Variants in LHPP observed in about 807,000 individuals in gnomAD.
The protein encoded by LHPP is phospholysine phosphohistidine inorganic pyrophosphate phosphatase.
A neutral mutation model predicts 30.3 loss-of-function variants in LHPP; 24 were observed. The observed-to-expected ratio is 0.79, with a 90% CI of 0.57 to 1.11. LHPP has a LOEUF of 1.11. Among genes scored for constraint, LHPP ranks in the 50% most tolerant of loss-of-function variants. The pLI, the probability that LHPP is intolerant of heterozygous loss-of-function variation, is 0.00. For missense variants in LHPP, 356 were observed against 367.2 expected (o/e 0.97, Z 0.25); for synonymous variants, 150 against 157.1 (o/e 0.95, Z 0.34).
chr10:124,601,187 G>A (rs1243780682), intron 6 of LHPP, among the ~76,000 whole-genome samples: 1 of 152,204 alleles, frequency 6.6e-6, no homozygotes, highest in Non-Finnish European at 1.5e-5. Flanking sequence ...TGTGCCTGGC[G>A]TGGGAACAGG....
chr10:124,467,414 C>A (rs1182538954), intron 1 of LHPP, among the ~76,000 whole-genome samples: 2 of 144,194 alleles, frequency 1.4e-5, no homozygotes, highest in Non-Finnish European at 3.0e-5. Context: ...GGTCATGGGG[C>A]GGGAACCATG....
At position 124,475,547 on chromosome 10, in the gene LHPP, A is replaced by G. The variant is rs188768389; in HGVS notation, c.126-8592A>G. Among the ~76,000 whole-genome samples, 84 of 144,104 alleles carry G rather than the reference A, an allele frequency of 5.8e-4. 2 individuals are homozygous for G. Among genetic ancestry groups the G allele is most frequent in the Admixed American group, 4.7e-3 (70 of 14,834 alleles). The allele number at this position is 144,104 out of a possible 152,430, so 94.5% of individuals were successfully genotyped here. A position where few individuals can be genotyped will look rare whatever the true frequency, so the allele number is the denominator to read the frequency against. On this transcript the variant is annotated intron_variant, in intron 1 of 6. Coordinates refer to ENST00000368842, the MANE Select transcript of LHPP (RefSeq NM_022126.4). ...CTGAGTGAGACTCCGTCTCAAAAAT[A>G]AAATAAAATAAAAAATAAATAATAT...
In LHPP at chr10:124,498,124, A is replaced by C. The variant is rs1377817395; in HGVS notation, c.620A>C (p.His207Pro). 6.2e-7 allele frequency: 1 copy of C among 1,612,546 alleles called. No homozygotes were observed. Among genetic ancestry groups the C allele is most frequent in the South Asian group, 1.1e-5 (1 of 91,048 alleles). ...CTGCAAGCGATAGGAGTGGAAGCCCACCAGGTAGGTTGGCGCCTTGTGAAG... is the reference window on the plus strand; with the variant it reads ...CTGCAAGCGATAGGAGTGGAAGCCCCCCAGGTAGGTTGGCGCCTTGTGAAG... ...SALQAIGVEA[H>P]QAVMIGDDIV... is the part of the protein sequence containing the mutation. Residue 207 changes from histidine to proline, a missense_variant, in exon 5 of 7, where the codon CAC becomes CCC. Transcript: ENST00000368842.
At chr10:124,504,520 G>T (rs575387190) in intron 5 of LHPP, among the ~76,000 whole-genome samples, 4 of 150,126 alleles carry the variant, frequency 2.7e-5, no homozygotes, top group African/African-American at 7.3e-5. Context: ...AGATTGCTTG[G>T]GCCCAGGAGG....
chr10:124,492,231 CA>C (rs1248756708), intron 3 of LHPP, among the ~76,000 whole-genome samples: 4 of 151,724 alleles, frequency 2.6e-5, no homozygotes, highest in African/African-American at 7.3e-5. Flanking sequence ...GTGTCTCTAT[CA>C]AAAATGGACA....
At chr10:124,548,071 A>G (rs2133954702) in intron 6 of LHPP, among the ~76,000 whole-genome samples, 1 of 152,238 alleles carries the variant, frequency 6.6e-6, no homozygotes, top group South Asian at 2.1e-4. Flanking sequence ...TCTCTAGGGG[A>G]GTTCCTGGGA....
intron 1 of LHPP, among the ~76,000 whole-genome samples, chr10:124,462,692 T>C (rs1693970037): frequency 6.6e-6 from 1 of 152,194 alleles, no homozygotes; most frequent in Non-Finnish European, 1.5e-5. Context: ...GATATACTTT[T>C]TGTTTGTTTT....
At chr10:124,584,366 A>G (rs1339705942) in intron 6 of LHPP, among the ~76,000 whole-genome samples, 3 of 145,874 alleles carry the variant, frequency 2.1e-5, no homozygotes, top group Non-Finnish European at 4.5e-5. Flanking sequence ...TCTGTCTCAA[A>G]AAAAAAAAAA....
intron 6 of LHPP, among the ~76,000 whole-genome samples, chr10:124,529,882 C>G (rs994066547): frequency 1.3e-5 from 2 of 152,160 alleles, no homozygotes; most frequent in African/African-American, 4.8e-5. Flanking sequence ...GGGCAGGATC[C>G]CAGCTGCCCC....
intron 1 of LHPP, among the ~76,000 whole-genome samples, chr10:124,474,452 G>T (rs531506732): frequency 2.3e-4 from 35 of 152,228 alleles, no homozygotes; most frequent in African/African-American, 7.0e-4. Context: ...ATGAAGTCTT[G>T]TAGTTGTTGA....
chr10:124,509,856 A>G (rs1954256155), intron 5 of LHPP, among the ~76,000 whole-genome samples: 1 of 152,042 alleles, frequency 6.6e-6, no homozygotes, highest in Non-Finnish European at 1.5e-5. Flanking sequence ...CCCCTGGATA[A>G]GGAAAATATT....
At chr10:124,499,208 A>G (rs923689954) in intron 5 of LHPP, among the ~76,000 whole-genome samples, 3 of 151,700 alleles carry the variant, frequency 2.0e-5, no homozygotes, top group Non-Finnish European at 4.4e-5. Flanking sequence ...TTCCATAGAG[A>G]TGGGGTTTTG....
At chr10:124,582,731 G>A (rs1416877845) in intron 6 of LHPP, among the ~76,000 whole-genome samples, 1 of 152,138 alleles carries the variant, frequency 6.6e-6, no homozygotes, top group Non-Finnish European at 1.5e-5. Flanking sequence ...GGGGCTGGGT[G>A]TGGTGGCTCA....
chr10:124,611,186 C>T (rs988349090), intron 6 of LHPP, among the ~76,000 whole-genome samples: 3 of 150,846 alleles, frequency 2.0e-5, no homozygotes, highest in African/African-American at 7.3e-5. Context: ...TGTAGGTGCC[C>T]CTGCTTGGAG....
intron 6 of LHPP, among the ~76,000 whole-genome samples, chr10:124,532,931 TGAG>T (rs1954934368): frequency 6.6e-6 from 1 of 152,170 alleles, no homozygotes; most frequent in Admixed American, 6.5e-5. Flanking sequence ...ACTTTGGAAA[TGAG>T]AAGAAGCCCA....
chr10:124,523,510 T>C lies in LHPP; in HGVS notation c.716+6239T>C, dbSNP rs986409522. On this transcript the variant is annotated intron_variant, in intron 6 of 6. Coordinates refer to ENST00000368842, the MANE Select transcript of LHPP (RefSeq NM_022126.4). The surrounding 1 kb of genome is among the most constrained non-coding windows in gnomAD (Gnocchi z 4.2). ...GACTTCGCAGTGACGGATTTCAGAG[T>C]GTTTCCTGTTACGAGAAGGCTGTGG... is the stretch of plus-strand genomic sequence containing the variant. Among the ~76,000 whole-genome samples the C allele has an allele frequency of 6.6e-6, 1 of 152,198 alleles. No individual in the cohort carries two copies. Among genetic ancestry groups the C allele is most frequent in the Non-Finnish European group, 1.5e-5 (1 of 68,038 alleles).
intron 6 of LHPP, among the ~76,000 whole-genome samples, chr10:124,594,407 T>C (rs558641081): frequency 1.3e-5 from 2 of 151,304 alleles, no homozygotes; most frequent in South Asian, 4.2e-4. Context: ...GTTTAGACAG[T>C]TGTTCATTTC....
intron 1 of LHPP, among the ~76,000 whole-genome samples, chr10:124,468,834 G>A (rs746127648): frequency 4.6e-5 from 7 of 152,296 alleles, no homozygotes; most frequent in East Asian, 1.9e-4. Context: ...GGGAAGCTCC[G>A]TACACCCTCC....
chr10:124,573,755 A>G (rs1948618900), intron 6 of LHPP, among the ~76,000 whole-genome samples: 1 of 152,288 alleles, frequency 6.6e-6, no homozygotes, highest in South Asian at 2.1e-4. Context: ...ACTGTCCCCC[A>G]TCACTGAACA....
Sources: gnomAD v4.1 joint callset for allele counts (sites outside exome capture counted in the v4.1 genomes callset) on GRCh38, gnomAD v4.1.1 for gene constraint, Gnocchi (gnomAD v3.1) non-coding constraint, MANE v1.5 for transcripts, NCBI Gene and HGNC (gene_info 2026-07-23, HGNC 2026-07-21) for gene names.